Variants in CACNG2 observed in about 807,000 individuals in gnomAD.
CACNG2 encodes voltage-dependent calcium channel gamma-2 subunit.
Under a neutral mutation model 25.9 loss-of-function variants are expected in CACNG2, and 3 were observed. That is an observed-to-expected ratio of 0.12 (90% confidence interval 0.05 to 0.30). CACNG2 has a LOEUF of 0.30. Among genes scored for constraint, CACNG2 ranks in the 10% least tolerant of loss-of-function variants. The pLI is 1.00. For missense variants in CACNG2, 341 were observed against 432.5 expected, an observed-to-expected ratio of 0.79 and a Z score of 1.88; for synonymous variants, 167 against 173.3, an observed-to-expected ratio of 0.96 and a Z score of 0.29.
chr22:36,697,189 A>G (rs556494837), intron 1 of CACNG2, among the ~76,000 whole-genome samples: 53 of 152,294 alleles, frequency 3.5e-4, no homozygotes, highest in African/African-American at 1.3e-3. Context: ...CTCAGCTCAC[A>G]GGGGGCGTGG....
chr22:36,645,621 T>A (rs1376634193), intron 1 of CACNG2, among the ~76,000 whole-genome samples: 2 of 152,030 alleles, frequency 1.3e-5, no homozygotes, highest in Non-Finnish European at 2.9e-5. Context: ...TTTCAAAGTT[T>A]ACTTATTGGG....
intron 2 of CACNG2, among the ~76,000 whole-genome samples, chr22:36,578,116 C>T (rs752560517): frequency 6.6e-6 from 1 of 152,002 alleles, no homozygotes; most frequent in South Asian, 2.1e-4. Context: ...CATCCCAGCA[C>T]TTTGGGAGGC....
chr22:36,588,842 C>G (rs59382725), intron 1 of CACNG2, among the ~76,000 whole-genome samples: 8,978 of 152,182 alleles, frequency 0.059, 872 homozygotes, highest in African/African-American at 0.2. Flanking sequence ...ATAGTAGCTA[C>G]TGTGACCTAA....
chr22:36,587,440 G>C, intron 2 of CACNG2, 25 bp downstream of exon 2: 5 of 1,552,830 alleles, frequency 3.2e-6, no homozygotes, highest in Non-Finnish European at 4.4e-6. Flanking sequence ...CCAGGAGGGA[G>C]ATAAAAACAA....
At chr22:36,570,243 G>A (rs1284256933) in intron 2 of CACNG2, among the ~76,000 whole-genome samples, 1 of 152,252 alleles carries the variant, frequency 6.6e-6, no homozygotes, top group Non-Finnish European at 1.5e-5. Context: ...CCAGGCATGT[G>A]TGGACAAGAT....
At chr22:36,588,791 C>T (rs949538759) in intron 1 of CACNG2, among the ~76,000 whole-genome samples, 3 of 152,122 alleles carry the variant, frequency 2.0e-5, no homozygotes, top group African/African-American at 7.2e-5. Context: ...GGGGCATTGA[C>T]GTGAGACAGA....
intron 1 of CACNG2, among the ~76,000 whole-genome samples, chr22:36,669,479 C>T (rs1160053065): frequency 8.1e-6 from 1 of 123,564 alleles, no homozygotes; most frequent in Non-Finnish European, 1.6e-5. Context: ...TTGAACTCAG[C>T]TTAGGAGACA....
At chr22:36,632,965 C>A (rs184373812) in intron 1 of CACNG2, among the ~76,000 whole-genome samples, 3 of 152,242 alleles carry the variant, frequency 2.0e-5, no homozygotes, top group African/African-American at 4.8e-5. Context: ...TTCACGTCTC[C>A]AGCTCACCCA....
chr22:36,702,330 G>A, intron 1 of CACNG2, 36 bp downstream of exon 1: 2 of 1,395,772 alleles, frequency 1.4e-6, no homozygotes, highest in South Asian at 1.2e-5. Flanking sequence ...GGGAGGGGTG[G>A]GGTGGAGAGG....
intron 3 of CACNG2, among the ~76,000 whole-genome samples, chr22:36,565,857 G>C (rs1263790632): frequency 6.6e-6 from 1 of 152,228 alleles, no homozygotes; most frequent in African/African-American, 2.4e-5. Flanking sequence ...TCTGAAGTGA[G>C]TGTGACTCAT....
chr22:36,579,443 CT>C (rs1440390063), intron 2 of CACNG2, among the ~76,000 whole-genome samples: 1 of 139,490 alleles, frequency 7.2e-6, no homozygotes, highest in Non-Finnish European at 1.5e-5. Context: ...TGCCGGCTGT[CT>C]TGTCAAATAC....
intron 2 of CACNG2, among the ~76,000 whole-genome samples, chr22:36,583,432 CAAAAAAAAAAGA>C (rs1310277550): frequency 5.0e-5 from 3 of 59,880 alleles, no homozygotes; most frequent in African/African-American, 2.2e-4. Context: ...GATTCCGTCT[CAAAAAAAAAAGA>C]AAAAAAAAAA....
At chr22:36,567,050 G>A (rs1935138924) in intron 2 of CACNG2, among the ~76,000 whole-genome samples, 1 of 152,180 alleles carries the variant, frequency 6.6e-6, no homozygotes, top group South Asian at 2.1e-4. Context: ...GTGGTTAGGT[G>A]GAACCACGTG....
At chr22:36,645,936 T>C (rs1007770096) in intron 1 of CACNG2, among the ~76,000 whole-genome samples, 4 of 152,224 alleles carry the variant, frequency 2.6e-5, no homozygotes, top group African/African-American at 4.8e-5. Context: ...CTTTTTTGGA[T>C]AGAACATCCT....
In CACNG2 at chr22:36,566,315, C is replaced by G. The variant is rs747818319; in HGVS notation, c.436+38G>C. 6.2e-6 allele frequency: 10 copies of G among 1,611,606 alleles called. No homozygotes were observed. In the East Asian group the frequency reaches 2.2e-4, roughly 36 times the overall value. ...GGCCCCTGAGCACCCACACCCCAGC[C>G]TTCTTCCCAGTGGCAGGACTGGATC... On this transcript the variant is annotated intron_variant, in intron 3 of 3. Transcript: ENST00000300105.
At chr22:36,623,272 C>T (rs1936136385) in intron 1 of CACNG2, among the ~76,000 whole-genome samples, 1 of 151,960 alleles carries the variant, frequency 6.6e-6, no homozygotes, top group African/African-American at 2.4e-5. Context: ...CTGCCTGCCT[C>T]GGCCTCCCAA....
At chr22:36,644,512 T>G (rs970610231) in intron 1 of CACNG2, among the ~76,000 whole-genome samples, 18 of 152,180 alleles carry the variant, frequency 1.2e-4, no homozygotes, top group Non-Finnish European at 8.8e-5. Context: ...GTAAATCACA[T>G]GAGTGTTCTA....
chr22:36,688,995 T>G (rs1937236903), intron 1 of CACNG2, among the ~76,000 whole-genome samples: 1 of 152,208 alleles, frequency 6.6e-6, no homozygotes, highest in Non-Finnish European at 1.5e-5. Flanking sequence ...TTTCTTCATC[T>G]GTTTTGGGCC....
At chr22:36,627,378 G>C (rs2145955192) in intron 1 of CACNG2, among the ~76,000 whole-genome samples, 1 of 151,178 alleles carries the variant, frequency 6.6e-6, no homozygotes, top group African/African-American at 2.4e-5. Flanking sequence ...GGTGTTGTTT[G>C]GTTTCAAAAT....
Sources: gnomAD v4.1 joint callset for allele counts (sites outside exome capture counted in the v4.1 genomes callset) on GRCh38, gnomAD v4.1.1 for gene constraint, MANE v1.5 for transcripts, NCBI Gene and HGNC (gene_info 2026-07-23, HGNC 2026-07-21) for gene names.